Variants in ARHGAP24 observed in about 807,000 individuals in gnomAD.
ARHGAP24 encodes the protein rho GTPase-activating protein 24.
ARHGAP24 carries 50 observed loss-of-function variants against 76.4 expected under a neutral mutation model. The ratio of observed to expected loss-of-function variants is 0.65; its 90% CI spans 0.52 to 0.83. The LOEUF is 0.83. ARHGAP24 is among the 40% of genes least tolerant of loss of function. The pLI is 0.00. For missense variants in ARHGAP24, 930 were observed against 914.2 expected (o/e 1.02, Z -0.22); for synonymous variants, 345 against 323.3 (o/e 1.07, Z -0.72).
chr4:85,713,407 A>G (rs892332965), intron 2 of ARHGAP24, among the ~76,000 whole-genome samples: 1 of 152,232 alleles, frequency 6.6e-6, no homozygotes, highest in African/African-American at 2.4e-5. Flanking sequence ...TTTAAATAGA[A>G]AAATTTAGCA....
chr4:85,760,453 C>A (rs1423174574), intron 3 of ARHGAP24, among the ~76,000 whole-genome samples: 2 of 152,094 alleles, frequency 1.3e-5, no homozygotes, highest in Non-Finnish European at 2.9e-5. Context: ...TTTTACATGC[C>A]ACGTTTAAGA....
intron 3 of ARHGAP24, among the ~76,000 whole-genome samples, chr4:85,832,173 G>A (rs115687309): frequency 0.01 from 1,569 of 152,224 alleles, 23 homozygotes; most frequent in African/African-American, 0.035. Context: ...TTCCGTGGGC[G>A]GGAACAAATA....
intron 3 of ARHGAP24, among the ~76,000 whole-genome samples, chr4:85,852,235 G>A (rs983511734): frequency 2.0e-5 from 3 of 152,012 alleles, no homozygotes; most frequent in African/African-American, 7.3e-5. Flanking sequence ...TCCATTGATC[G>A]AATCAGCTAC....
At chr4:85,623,863 G>A (rs1156475380) in intron 2 of ARHGAP24, among the ~76,000 whole-genome samples, 2 of 139,020 alleles carry the variant, frequency 1.4e-5, no homozygotes, top group East Asian at 3.5e-4. Flanking sequence ...ATTGTGAATG[G>A]GAGTTCACTC....
At chr4:85,562,924 T>G (rs1331179030) in intron 1 of ARHGAP24, among the ~76,000 whole-genome samples, 5 of 152,170 alleles carry the variant, frequency 3.3e-5, no homozygotes, top group African/African-American at 1.2e-4. Flanking sequence ...GACAAAAAGT[T>G]GAAGCATCTG....
At position 85,666,146 on chromosome 4, in the gene ARHGAP24, A is replaced by G. The variant is rs142220708; in HGVS notation, c.181-55739A>G. On this transcript the variant is annotated intron_variant, in intron 2 of 9. Coordinates refer to ENST00000395184, the MANE Select transcript of ARHGAP24 (RefSeq NM_001025616.3). ...GGTTCCATTCTGCCCATCACTTTCA[A>G]GTACACCAATCAGATGTAGATTTGG... Among the ~76,000 whole-genome samples, 641 of 152,270 alleles carry G rather than the reference A, an allele frequency of 4.2e-3. 3 individuals carry two copies. The highest frequency in any genetic ancestry group is 0.014 in the African/African-American group (581 of 41,554).
intron 3 of ARHGAP24, among the ~76,000 whole-genome samples, chr4:85,724,995 T>C (rs1725114551): frequency 6.6e-6 from 1 of 152,230 alleles, no homozygotes; most frequent in African/African-American, 2.4e-5. Context: ...AAATCTTTAA[T>C]GAACAGTTCT....
At chr4:85,727,433 T>G (rs1725209952) in intron 3 of ARHGAP24, among the ~76,000 whole-genome samples, 1 of 152,086 alleles carries the variant, frequency 6.6e-6, no homozygotes, top group African/African-American at 2.4e-5. Context: ...AGATGCCCAC[T>G]TACAGTTCTT....
chr4:85,659,766 G>A (rs1722310389), intron 2 of ARHGAP24, among the ~76,000 whole-genome samples: 1 of 152,150 alleles, frequency 6.6e-6, no homozygotes, highest in Non-Finnish European at 1.5e-5. Context: ...GTAGAAGAAT[G>A]ACTCAGTAAT....
At chr4:85,508,390 G>A (rs1724145528) in intron 1 of ARHGAP24, among the ~76,000 whole-genome samples, 1 of 152,112 alleles carries the variant, frequency 6.6e-6, no homozygotes, top group African/African-American at 2.4e-5. Context: ...ATAAAAATTT[G>A]CAGAATTGAG....
intron 3 of ARHGAP24, among the ~76,000 whole-genome samples, chr4:85,903,504 A>T (rs1436737380): frequency 6.6e-6 from 1 of 152,172 alleles, no homozygotes; most frequent in Non-Finnish European, 1.5e-5. Flanking sequence ...AGCTGTAAAA[A>T]TTATACTAAA....
At chr4:85,618,809 GT>G in intron 2 of ARHGAP24, among the ~76,000 whole-genome samples, 1 of 151,976 alleles carries the variant, frequency 6.6e-6, no homozygotes, top group Non-Finnish European at 1.5e-5. Context: ...GTTTTTACCC[GT>G]TTTTAATTGA....
At chr4:85,544,548 G>T (rs1018803724) in intron 1 of ARHGAP24, among the ~76,000 whole-genome samples, 11 of 152,060 alleles carry the variant, frequency 7.2e-5, no homozygotes, top group African/African-American at 2.7e-4. Flanking sequence ...ATACTTGCTG[G>T]GTTTATGCCT....
At chr4:85,841,007 C>T (rs1021566637) in intron 3 of ARHGAP24, among the ~76,000 whole-genome samples, 1 of 152,132 alleles carries the variant, frequency 6.6e-6, no homozygotes, top group African/African-American at 2.4e-5. Flanking sequence ...CACCATAATA[C>T]CTGTTAGAGA....
In ARHGAP24 at chr4:85,777,276, G is replaced by C. The variant is rs1727342218; in HGVS notation, c.268+55304G>C. Among the ~76,000 whole-genome samples, 4 of 152,190 alleles carry C rather than the reference G, an allele frequency of 2.6e-5. No homozygotes were observed. In the South Asian group the frequency reaches 8.3e-4, roughly 32 times the overall value. The stretch of plus-strand genomic sequence containing the variant: ...CATAAGCATACTGCTTCCTGCCAAA[G>C]AACAGGGCAAGAGTAGATGCCTTAA... On this transcript the variant is annotated intron_variant, in intron 3 of 9. Coordinates refer to ENST00000395184, the MANE Select transcript of ARHGAP24 (RefSeq NM_001025616.3).
intron 8 of ARHGAP24, chr4:85,990,334 T>C (rs1007393147): frequency 6.6e-6 from 1 of 151,806 alleles, no homozygotes; most frequent in Admixed American, 6.6e-5. Context: ...GAATACTCAA[T>C]ATTATTAAGC....
At chr4:85,647,040 T>C (rs1421617528) in intron 2 of ARHGAP24, among the ~76,000 whole-genome samples, 4 of 152,198 alleles carry the variant, frequency 2.6e-5, no homozygotes, top group Non-Finnish European at 2.9e-5. Context: ...TTAATTCTAG[T>C]TGGAATTGAG....
chr4:85,938,111 G>C, intron 4 of ARHGAP24, among the ~76,000 whole-genome samples: 1 of 152,164 alleles, frequency 6.6e-6, no homozygotes, highest in Middle Eastern at 3.2e-3. Flanking sequence ...TGCGCCACTG[G>C]AAACAGCCAC....
chr4:85,798,810 G>T (rs1393739506), intron 3 of ARHGAP24, among the ~76,000 whole-genome samples: 1 of 151,984 alleles, frequency 6.6e-6, no homozygotes, highest in East Asian at 1.9e-4. Flanking sequence ...GGGAAACAAA[G>T]TTCTTTTTAA....
Sources: gnomAD v4.1 joint callset for allele counts (sites outside exome capture counted in the v4.1 genomes callset) on GRCh38, gnomAD v4.1.1 for gene constraint, MANE v1.5 for transcripts, NCBI Gene and HGNC (gene_info 2026-07-23, HGNC 2026-07-21) for gene names.